CDK11A: variants seen among roughly 807,000 people sequenced by gnomAD.
CDK11A encodes the protein cyclin-dependent kinase 11A.
In CDK11A, 55 loss-of-function variants were observed where a neutral mutation model predicts 83.6. The ratio of observed to expected loss-of-function variants is 0.66; its 90% CI spans 0.53 to 0.82. The LOEUF (loss-of-function observed/expected upper bound fraction) is 0.82, where lower values mean the gene tolerates loss of function less well. CDK11A is among the 40% of genes least tolerant of loss of function. The pLI is 0.00. For synonymous variants in CDK11A, 247 were observed against 302.7 expected, an observed-to-expected ratio of 0.82 and a Z score of 1.91; for missense variants, 564 against 810.1, an observed-to-expected ratio of 0.70 and a Z score of 3.69.
rs574506324 is a variant in CDK11A at position 1,720,774 on chromosome 1, C to T, written c.227+822G>A. 7.7e-4 allele frequency among the ~76,000 whole-genome samples: 116 copies of T among 150,654 alleles called. 4 individuals are homozygous for T. The highest frequency in any genetic ancestry group is 2.7e-3 in the African/African-American group (112 of 41,066). ...AGGCACAATCTTGGCTCACTGCAAC[C>T]TTTGCCTCCCACATTCAAGCAATTC... On this transcript the variant is annotated intron_variant, in intron 3 of 19. Transcript: ENST00000404249.
intron 5 of CDK11A, 101 bp from the exon 6 acceptor site, chr1:1,712,501 GTTTT>G: frequency 2.6e-6 from 1 of 384,638 alleles, no homozygotes; most frequent in Non-Finnish European, 4.9e-6. Flanking sequence ...AATCCGTGAA[GTTTT>G]TTTTTCATTT....
rs1644564799 is a variant in CDK11A, at chr1:1,714,492, A to T, written c.488+1854T>A. Among the ~76,000 whole-genome samples, 2 of 46,670 alleles carry T rather than the reference A, an allele frequency of 4.3e-5. 1 individual carries two copies. The highest frequency in any genetic ancestry group is 1.1e-3 in the South Asian group (2 of 1,864). The allele number at this position is 46,670 out of a possible 152,430, so 30.6% of individuals were successfully genotyped here. A position where few individuals can be genotyped will look rare whatever the true frequency, so the allele number is the denominator to read the frequency against. The stretch of plus-strand genomic sequence containing the variant: ...GATAATACATTTGTAGCAATTCTGG[A>T]TTCTAAGTTTTCCCTTTCGTTGTTA... On this transcript the variant is annotated intron_variant, in intron 5 of 19. Transcript: ENST00000404249.
Position 1,721,589 on chromosome 1 carries a change from C to T in CDK11A, c.227+7G>A, listed in dbSNP as rs16825265. ...GTTGGGTCTTGCACATCTGTACATC[C>T]GCTCACCTGTCTTCCATTGAGTCTT... is the stretch of plus-strand genomic sequence containing the variant. On this transcript the variant is annotated splice_region_variant and intron_variant, in intron 3 of 19. Transcript: ENST00000404249. 0.9 allele frequency: 1,437,231 copies of T among 1,603,832 alleles called. 654,313 individuals are homozygous for T. Among genetic ancestry groups the T allele is most frequent in the Non-Finnish European group, 0.93 (1,095,717 of 1,172,866 alleles).
intron 3 of CDK11A, among the ~76,000 whole-genome samples, chr1:1,721,066 G>C (rs562226801): frequency 6.6e-6 from 1 of 150,788 alleles, no homozygotes; most frequent in Non-Finnish European, 1.5e-5. Context: ...TAGTAGAGAC[G>C]GGGTTTCACC....
At position 1,710,612 on chromosome 1, in the gene CDK11A, G is replaced by T. The variant is rs944240933; in HGVS notation, c.626-972C>A. Among the ~76,000 whole-genome samples the T allele has an allele frequency of 3.5e-4, 52 of 148,096 alleles. 3 individuals are homozygous for T. Among genetic ancestry groups the T allele is most frequent in the African/African-American group, 1.3e-3 (51 of 40,778 alleles). On this transcript the variant is annotated intron_variant, in intron 6 of 19. Transcript: ENST00000404249. ...ACAGGACAGTATGTCCCATTCAGAG[G>T]GGAAAAAAAGAAGCCAACAGACACG...
rs796839656 is a variant in CDK11A, at chr1:1,713,719, T to G, written c.489-1319A>C. ...AAAACCTAAGATGTGAGGAGAGATA[T>G]TTACAGGATATTGACGTCAACCTAC... On this transcript the variant is annotated intron_variant, in intron 5 of 19. Transcript: ENST00000404249. Among the ~76,000 whole-genome samples, 437 of 55,260 alleles carry G rather than the reference T, an allele frequency of 7.9e-3. 57 individuals are homozygous for G. Among genetic ancestry groups the G allele is most frequent in the African/African-American group, 0.015 (418 of 27,944 alleles). 36.3% of individuals were successfully genotyped at this position (55,260 alleles called of 152,430 possible).
At chr1:1,708,385 A>C in intron 9 of CDK11A, 140 bp from the exon 10 acceptor site, 1 of 1,433,554 alleles carries the variant, frequency 7.0e-7, no homozygotes, top group Non-Finnish European at 9.3e-7. Context: ...TCACGCCTGT[A>C]ATCCCAGTGC....
intron 11 of CDK11A, among the ~76,000 whole-genome samples, chr1:1,706,935 C>G (rs1387279168): frequency 3.4e-5 from 5 of 145,550 alleles, no homozygotes; most frequent in Non-Finnish European, 5.9e-5. Context: ...TCACTCCCAA[C>G]AATATCCTGC....
rs1225045600 is a variant in CDK11A, at chr1:1,724,353, G to C, written c.-109C>G. 6.6e-6 allele frequency: 1 copy of C among 151,596 alleles called. No individual in the cohort carries two copies. Among genetic ancestry groups the C allele is most frequent in the African/African-American group, 2.4e-5 (1 of 41,272 alleles). 9.4% of individuals were successfully genotyped at this position (151,596 alleles called of 1,614,324 possible). On this transcript the variant is annotated 5_prime_UTR_variant, in exon 1 of 20. The change creates a new upstream start codon in the 5' untranslated region. Coordinates refer to ENST00000404249, the MANE Select transcript of CDK11A (RefSeq NM_024011.4). ...ACTTCCTGTGTTGACGCCTAATGAT[G>C]ATATAATAGCCGACCTCTGGCCCAG...
chr1:1,716,025 C>G (rs1258894068), intron 5 of CDK11A, among the ~76,000 whole-genome samples: 1 of 150,810 alleles, frequency 6.6e-6, no homozygotes, highest in African/African-American at 2.4e-5. Flanking sequence ...CTCCCAGGCT[C>G]AAGGGATCCA....
At chr1:1,722,421 G>T in intron 2 of CDK11A, 1 of 613,082 alleles carries the variant, frequency 1.6e-6, no homozygotes, top group Non-Finnish European at 2.8e-6. Context: ...CTTAGAGATA[G>T]TATTATGAAT....
At chr1:1,719,507 C>T in intron 3 of CDK11A, 52 bp from the exon 4 acceptor site, 1 of 1,350,702 alleles carries the variant, frequency 7.4e-7, no homozygotes. Flanking sequence ...TGCGGAAAAG[C>T]ATCAGGCTAT....
At chr1:1,709,682 GCCTT>G in intron 6 of CDK11A, 42 bp from the exon 7 acceptor site, 1 of 92,496 alleles carries the variant, frequency 1.1e-5, no homozygotes, top group Non-Finnish European at 1.8e-5. Context: ...TAGCAGCACT[GCCTT>G]CCTCAAAAGG....
chr1:1,710,554 T>C (rs1483803566), intron 6 of CDK11A, among the ~76,000 whole-genome samples: 3 of 115,338 alleles, frequency 2.6e-5, no homozygotes, highest in East Asian at 5.3e-4. Context: ...TGTCCATTTT[T>C]TTGACTAAGA....
intron 4 of CDK11A, chr1:1,719,089 C>T (rs1361730923): frequency 1.8e-5 from 5 of 277,812 alleles, no homozygotes; most frequent in Non-Finnish European, 2.7e-5. Context: ...CGGTCTGTGA[C>T]GCACACATGC....
Position 1,705,046 on chromosome 1 carries a change from G to A in CDK11A, c.1337-21C>T. 3.2e-6 allele frequency: 5 copies of A among 1,585,950 alleles called. 1 individual carries two copies. Among genetic ancestry groups the A allele is most frequent in the Non-Finnish European group, 4.3e-6 (5 of 1,170,950 alleles). ...TTCATCTGTGAAGAAAATACAGACG[G>A]CACTGAGAGGCATTCTCAAAGTCAC... On this transcript the variant is annotated intron_variant, in intron 12 of 19. Coordinates refer to ENST00000404249, the MANE Select transcript of CDK11A (RefSeq NM_024011.4).
At chr1:1,718,032 C>A (rs573885907) in intron 4 of CDK11A, among the ~76,000 whole-genome samples, 654 of 48,244 alleles carry the variant, frequency 0.014, 36 homozygotes, top group African/African-American at 0.022. Context: ...CACACGCATG[C>A]TTTTAGCTAG....
At chr1:1,719,171 T>A in intron 4 of CDK11A, 157 bp downstream of exon 4, 1 of 553,546 alleles carries the variant, frequency 1.8e-6, no homozygotes, top group South Asian at 2.8e-5. Context: ...AGCTATTCTC[T>A]CTATAGCCCT....
Position 1,716,486 on chromosome 1 carries a change from G to A in CDK11A, c.356-8C>T, listed in dbSNP as rs1570415700. ...TCACTCTAGCATGCTTCCCTAATGA[G>A]AAATAAAGTGTCATGCAAAGAAACC... On this transcript the variant is annotated splice_polypyrimidine_tract_variant and splice_region_variant and intron_variant, in intron 4 of 19. Transcript: ENST00000404249. The A allele has an allele frequency of 6.2e-7, 1 of 1,606,442 alleles. No homozygotes were observed. The highest frequency in any genetic ancestry group is 8.5e-7 in the Non-Finnish European group (1 of 1,175,412).
Sources: gnomAD v4.1 joint callset for allele counts (sites outside exome capture counted in the v4.1 genomes callset) on GRCh38, gnomAD v4.1.1 for gene constraint, MANE v1.5 for transcripts, NCBI Gene and HGNC (gene_info 2026-07-23, HGNC 2026-07-21) for gene names.